The following LRCH2 variants were observed in gnomAD, a reference collection of about 807,000 sequenced individuals.
LRCH2 encodes leucine-rich repeat and calponin homology domain-containing protein 2.
A neutral mutation model predicts 68.9 loss-of-function variants in LRCH2; 38 were observed. The observed-to-expected ratio is 0.55, with a 90% confidence interval of 0.43 to 0.72. LRCH2 has a LOEUF of 0.72. Ranked by LOEUF, LRCH2 falls within the 30% of genes least tolerant of loss-of-function variation. LRCH2 has a pLI of 0.00. For missense variants in LRCH2, 528 were observed against 572.9 expected (o/e 0.92, Z 0.80); for synonymous variants, 191 against 208.1 (o/e 0.92, Z 0.71).
intron 20 of LRCH2, among the ~76,000 whole-genome samples, chrX:115,117,782 G>A (rs1304445123): frequency 9.0e-6 from 1 of 111,175 alleles, no homozygotes; most frequent in East Asian, 2.8e-4. Flanking sequence ...AGTGGTTGCT[G>A]GAGAAAGAAG....
chrX:115,153,404 T>C lies in LRCH2; in HGVS notation c.1529+3198A>G, dbSNP rs782316438. 1.2e-3 allele frequency among the ~76,000 whole-genome samples: 132 copies of C among 111,239 alleles called. 2 individuals are homozygous for C. The highest frequency in any genetic ancestry group is 1.9e-3 in the Non-Finnish European group (101 of 53,063). On this transcript the variant is annotated intron_variant, in intron 12 of 20. Coordinates refer to ENST00000317135, the MANE Select transcript of LRCH2 (RefSeq NM_020871.4). ...AATCAGCAGACCAGTAGTAAAATTA[T>C]GTTAAAATCTCTCTTTTAGGCAGAA...
At chrX:115,121,581 C>T (rs928455581) in intron 20 of LRCH2, among the ~76,000 whole-genome samples, 4 of 111,849 alleles carry the variant, frequency 3.6e-5, no homozygotes, top group South Asian at 3.7e-4. Context: ...AACTGGGAGG[C>T]GGCGGTTGCA....
intron 3 of LRCH2, among the ~76,000 whole-genome samples, chrX:115,182,694 G>A (rs1255699093): frequency 9.2e-6 from 1 of 108,732 alleles, no homozygotes; most frequent in Non-Finnish European, 1.9e-5. Context: ...TTAGCCGGGC[G>A]CGGTGGCAGG....
intron 1 of LRCH2, among the ~76,000 whole-genome samples, chrX:115,195,145 G>T (rs180995551): frequency 2.1e-3 from 234 of 110,178 alleles, no homozygotes; most frequent in African/African-American, 7.2e-3. Flanking sequence ...TTAGCCAGAC[G>T]TGGTGGCGCA....
chrX:115,144,628 A>G (rs1244360097), intron 14 of LRCH2, among the ~76,000 whole-genome samples: 4 of 111,830 alleles, frequency 3.6e-5, no homozygotes, highest in Non-Finnish European at 7.5e-5. Context: ...CAACATACAA[A>G]AGTCAGTAGG....
intron 14 of LRCH2, among the ~76,000 whole-genome samples, chrX:115,142,190 G>C (rs1269196641): frequency 8.9e-6 from 1 of 111,961 alleles, no homozygotes; most frequent in Non-Finnish European, 1.9e-5. Context: ...GAGCTCAAGA[G>C]AGATAGATCT....
chrX:115,196,459 G>C (rs187814187), intron 1 of LRCH2, among the ~76,000 whole-genome samples: 1 of 111,196 alleles, frequency 9.0e-6, no homozygotes, highest in East Asian at 2.9e-4. Flanking sequence ...TTGAGTACAA[G>C]CTTGCCCAGT....
intron 20 of LRCH2, among the ~76,000 whole-genome samples, chrX:115,115,751 G>C (rs1477908820): frequency 9.1e-6 from 1 of 109,894 alleles, no homozygotes; most frequent in African/African-American, 3.3e-5. Context: ...ATACCATCAA[G>C]AAAGTGAAAA....
At chrX:115,228,136 G>A (rs189070676) in intron 1 of LRCH2, among the ~76,000 whole-genome samples, 1 of 111,991 alleles carries the variant, frequency 8.9e-6, no homozygotes, top group African/African-American at 3.2e-5. Flanking sequence ...TTAGCAGATT[G>A]AGTGCACTAG....
chrX:115,223,985 G>C (rs1359758902), intron 1 of LRCH2, among the ~76,000 whole-genome samples: 7 of 110,457 alleles, frequency 6.3e-5, no homozygotes, highest in African/African-American at 2.3e-4. Flanking sequence ...CACTAGGATG[G>C]CTATAAACAA....
intron 1 of LRCH2, among the ~76,000 whole-genome samples, chrX:115,200,439 A>C (rs1171790063): frequency 9.0e-6 from 1 of 111,556 alleles, no homozygotes. Flanking sequence ...AGAAATAAAA[A>C]AGGAAATATT....
chrX:115,123,105 C>T lies in LRCH2; in HGVS notation c.1937G>A (p.Arg646Gln), dbSNP rs2072158045. 1.7e-6 allele frequency: 2 copies of T among 1,209,359 alleles called. No homozygotes were observed. The highest frequency in any genetic ancestry group is 1.1e-6 in the Non-Finnish European group (1 of 894,294). Residue 646 changes from arginine to glutamine, a missense_variant, in exon 18 of 21, where the codon CGA becomes CAA. Physicochemically the swap from Arg to Gln is conservative, Grantham distance 43. Transcript: ENST00000317135. ...GTTGCGAAGTTGTCGTATTTGCTCT[C>T]GCTCTTCCCGTAAATGTTCCATCTT... The part of the protein sequence containing the change: ...RRKMEHLREE[R>Q]EQIRQLRNNL...
rs1219284241 is a variant in LRCH2 at position 115,113,160 on chromosome X, A to G, written c.*56T>C. ...ATATTCTTATTCATGAATTTGAAAT[A>G]TTTGAAATCACTTCAAATAAATGAA... On this transcript the variant is annotated 3_prime_UTR_variant, in exon 21 of 21. Coordinates refer to ENST00000317135, the MANE Select transcript of LRCH2 (RefSeq NM_020871.4). The G allele has an allele frequency of 9.8e-7, 1 of 1,021,463 alleles. No individual in the cohort carries two copies. Among genetic ancestry groups the G allele is most frequent in the Admixed American group, 3.0e-5 (1 of 33,446 alleles). The allele number at this position is 1,021,463 out of a possible 1,213,427, so 84.2% of individuals were successfully genotyped here.
At chrX:115,135,122 CTT>C (rs35620352) in intron 14 of LRCH2, among the ~76,000 whole-genome samples, 65 of 88,192 alleles carry the variant, frequency 7.4e-4, no homozygotes, top group African/African-American at 2.3e-3. Flanking sequence ...TCTTTTCTTT[CTT>C]TTTTTTTTTT....
In LRCH2 at chrX:115,152,412, A is replaced by C. The variant is rs1303687611; in HGVS notation, c.1530-2342T>G. ...AAATTCAACCAAGCAATGTTCAAGA[A>C]GCTAAAGGAAAAGACTGAACATGTT... is the stretch of plus-strand genomic sequence containing the variant. On this transcript the variant is annotated intron_variant, in intron 12 of 20. Coordinates refer to ENST00000317135, the MANE Select transcript of LRCH2 (RefSeq NM_020871.4). 7.1e-5 allele frequency among the ~76,000 whole-genome samples: 8 copies of C among 111,973 alleles called. No individual in the cohort carries two copies. In the Admixed American group the frequency reaches 7.6e-4, roughly 11 times the overall value.
chrX:115,187,803 C>T (rs1238072256), intron 2 of LRCH2, among the ~76,000 whole-genome samples: 1 of 112,811 alleles, frequency 8.9e-6, no homozygotes, highest in Non-Finnish European at 1.9e-5. Flanking sequence ...GAAAAAATAA[C>T]TCAAGCACTG....
chrX:115,117,633 T>C (rs147096492), intron 20 of LRCH2, among the ~76,000 whole-genome samples: 278 of 111,509 alleles, frequency 2.5e-3, no homozygotes, highest in African/African-American at 8.3e-3. Context: ...GGTCTATTCA[T>C]ACATGCAACA....
At chrX:115,207,064 T>TATAC (rs2072973457) in intron 1 of LRCH2, among the ~76,000 whole-genome samples, 1 of 111,768 alleles carries the variant, frequency 8.9e-6, no homozygotes, top group African/African-American at 3.3e-5. Context: ...TATCTTGTGA[T>TATAC]ATACAATAAA....
intron 5 of LRCH2, among the ~76,000 whole-genome samples, chrX:115,173,716 C>T (rs1569514629): frequency 9.0e-6 from 1 of 111,508 alleles, no homozygotes; most frequent in Non-Finnish European, 1.9e-5. Context: ...GACCCTTGAA[C>T]AACACAAGTT....
Sources: allele counts gnomAD v4.1 joint callset (sites outside exome capture counted in the v4.1 genomes callset), GRCh38; gene constraint gnomAD v4.1.1; transcripts MANE v1.5; gene names NCBI Gene and HGNC (gene_info 2026-07-23, HGNC 2026-07-21).